FAM120B: variants seen among roughly 807,000 people sequenced by gnomAD.
The protein encoded by FAM120B is constitutive coactivator of peroxisome proliferator-activated receptor gamma.
Under a neutral mutation model 96.3 loss-of-function variants are expected in FAM120B, and 83 were observed. The ratio of observed to expected loss-of-function variants is 0.86; its 90% CI spans 0.72 to 1.03. FAM120B has a LOEUF of 1.03. FAM120B is among the 50% of genes least tolerant of loss of function. The probability of loss-of-function intolerance (pLI) is 0.00; values close to 1 mark genes in which losing one functional copy is unlikely to be tolerated. For missense variants in FAM120B, 1,027 were observed against 1,121.2 expected (o/e 0.92, Z 1.20); for synonymous variants, 407 against 402.7 (o/e 1.01, Z -0.13).
intron 5 of FAM120B, among the ~76,000 whole-genome samples, chr6:170,350,861 C>T (rs1787528095): frequency 6.6e-6 from 1 of 152,190 alleles, no homozygotes; most frequent in Non-Finnish European, 1.5e-5. Context: ...ATGCTGAAAA[C>T]TGAAAAAGCC....
chr6:170,368,729 G>T (rs113658438), intron 6 of FAM120B, among the ~76,000 whole-genome samples: 133 of 150,486 alleles, frequency 8.8e-4, no homozygotes, highest in African/African-American at 3.1e-3. Flanking sequence ...CACGGACTGG[G>T]TGGCCTAAAA....
intron 1 of FAM120B, among the ~76,000 whole-genome samples, chr6:170,316,365 T>G (rs1784900821): frequency 6.6e-6 from 1 of 152,214 alleles, no homozygotes; most frequent in Non-Finnish European, 1.5e-5. Flanking sequence ...AATTTTTTGT[T>G]GTGTTTTATC....
chr6:170,295,527 A>C lies in FAM120B; in HGVS notation c.48+74A>C. ...CGCTTCCACAGCGGGCAGGAGCGCG[A>C]CCCCCGGCGCGGGCAGCTCTGCGCG... On this transcript the variant is annotated intron_variant, in intron 1 of 10. Coordinates refer to the FAM120B transcript ENST00000537664. The surrounding 1 kb of genome is among the most constrained non-coding windows in gnomAD (Gnocchi z 7.8). 1.6e-6 allele frequency: 1 copy of C among 641,434 alleles called. No individual in the cohort carries two copies. Among genetic ancestry groups the C allele is most frequent in the Non-Finnish European group, 2.8e-6 (1 of 359,810 alleles). 39.7% of individuals were successfully genotyped at this position (641,434 alleles called of 1,614,324 possible).
intron 4 of FAM120B, among the ~76,000 whole-genome samples, chr6:170,335,146 C>T (rs1007300064): frequency 6.6e-6 from 1 of 151,364 alleles, no homozygotes; most frequent in East Asian, 1.9e-4. Flanking sequence ...CCTATCAACC[C>T]GTCATCTAGG....
Position 170,318,163 on chromosome 6 carries a change from A to G in FAM120B, c.773A>G (p.Asp258Gly), listed in dbSNP as rs1785025717. ...TACACCTCTGTAAAAGAGAACTTTG[A>G]CAAAAAAGGTAACATCATATTAGCT... The part of the protein sequence containing the change: ...SSYTSVKENF[D>G]KKGNIILAVS... The change falls in exon 2 of 11, where the codon GAC (aspartate) becomes GGC (glycine). Residue 258 changes from aspartate to glycine, a missense_variant. Physicochemically the swap from Asp to Gly is moderately conservative, Grantham distance 94. This residue lies in a region of FAM120B where 880 missense variants were observed against 980.9 expected (regional missense o/e 0.90). Transcript: ENST00000476287. The G allele has an allele frequency of 6.2e-7, 1 of 1,614,116 alleles. No individual in the cohort carries two copies.
At chr6:170,326,656 A>G (rs1785607973) in intron 3 of FAM120B, among the ~76,000 whole-genome samples, 1 of 152,194 alleles carries the variant, frequency 6.6e-6, no homozygotes, top group Admixed American at 6.5e-5. Flanking sequence ...GCCATAGACA[A>G]CATGTACATG....
chr6:170,401,235 A>C (rs565197649), intron 9 of FAM120B, among the ~76,000 whole-genome samples: 38 of 152,188 alleles, frequency 2.5e-4, no homozygotes, highest in Non-Finnish European at 3.5e-4. Flanking sequence ...CGGTCTTGCC[A>C]GAAGTCCAGA....
intron 9 of FAM120B, among the ~76,000 whole-genome samples, chr6:170,396,132 T>C (rs903811079): frequency 1.4e-4 from 21 of 152,236 alleles, no homozygotes; most frequent in African/African-American, 5.1e-4. Context: ...GAGCCAAACT[T>C]TATAAACTTT....
intron 4 of FAM120B, among the ~76,000 whole-genome samples, chr6:170,332,647 G>A (rs376238847): frequency 1.5e-4 from 23 of 152,064 alleles, no homozygotes; most frequent in African/African-American, 5.1e-4. Context: ...GCAGTGAGCC[G>A]AGATCACGCC....
chr6:170,306,404 C>A (rs1350164719), upstream of FAM120B: 1 of 152,446 alleles, frequency 6.6e-6, no homozygotes, highest in East Asian at 1.9e-4. Context: ...AGCCGCCAGT[C>A]CTCAGTGCCT....
intron 6 of FAM120B, among the ~76,000 whole-genome samples, chr6:170,361,235 TACAC>T (rs1329060177): frequency 8.9e-5 from 8 of 90,044 alleles, no homozygotes; most frequent in African/African-American, 1.8e-4. Context: ...TATATATATA[TACAC>T]GTATATATAT....
intron 9 of FAM120B, among the ~76,000 whole-genome samples, chr6:170,400,362 T>G (rs1227576794): frequency 1.3e-5 from 2 of 152,134 alleles, no homozygotes; most frequent in East Asian, 3.9e-4. Flanking sequence ...TGCCCTGATC[T>G]CAGAAGGCAG....
intron 9 of FAM120B, among the ~76,000 whole-genome samples, chr6:170,401,930 G>GCATGGATGCAT (rs1481696832): frequency 8.2e-6 from 1 of 121,906 alleles, no homozygotes; most frequent in African/African-American, 3.1e-5. Context: ...GCATCTGTGT[G>GCATGGATGCAT]GCTTTGGATG....
rs146080124 is a variant in FAM120B at position 170,362,195 on chromosome 6, G to A, written c.2283+3877G>A. On this transcript the variant is annotated intron_variant, in intron 6 of 10. Transcript: ENST00000476287. The stretch of plus-strand genomic sequence containing the variant: ...GTCTCCCTCTTCAAACAACTTGAAG[G>A]GGGGAGGTAGAGACAGGGCAGAAGA... 2.6e-5 allele frequency among the ~76,000 whole-genome samples: 4 copies of A among 152,314 alleles called. No individual in the cohort carries two copies. The East Asian group carries it at 7.7e-4, about 29-fold the overall frequency.
intron 5 of FAM120B, among the ~76,000 whole-genome samples, chr6:170,354,982 A>G (rs773898509): frequency 2.1e-4 from 32 of 152,152 alleles, no homozygotes; most frequent in Non-Finnish European, 3.2e-4. Context: ...GAAAAGTTCA[A>G]CATCATTGAT....
chr6:170,312,036 T>G (rs1209316779), intron 1 of FAM120B, among the ~76,000 whole-genome samples: 1 of 152,220 alleles, frequency 6.6e-6, no homozygotes, highest in Non-Finnish European at 1.5e-5. Context: ...AGAACTTACG[T>G]CCACGTTGTA....
upstream of FAM120B, among the ~76,000 whole-genome samples, chr6:170,305,419 C>G (rs570002605): frequency 6.6e-6 from 1 of 152,312 alleles, no homozygotes; most frequent in South Asian, 2.1e-4. Context: ...AATCGAGATT[C>G]CTTCCCAAAT....
rs184096889 is a variant in FAM120B at position 170,386,294 on chromosome 6, T to G, written c.2284-1993T>G. Among the ~76,000 whole-genome samples, 9 of 152,304 alleles carry G rather than the reference T, an allele frequency of 5.9e-5. No homozygotes were observed. The East Asian group carries it at 1.7e-3, about 29-fold the overall frequency. On this transcript the variant is annotated intron_variant, in intron 6 of 10. Transcript: ENST00000476287. ...TTCTAAAAACATAAAGTCCTTTTTT[T>G]TAAGTTAATTTGAAAAGATGAATAA...
At chr6:170,360,152 A>G (rs1788244994) in intron 6 of FAM120B, among the ~76,000 whole-genome samples, 2 of 152,332 alleles carry the variant, frequency 1.3e-5, no homozygotes, top group South Asian at 2.1e-4. Context: ...TGTGGGCAAC[A>G]TAGCACTGGA....
Sources: allele counts gnomAD v4.1 joint callset (sites outside exome capture counted in the v4.1 genomes callset), GRCh38; gene constraint gnomAD v4.1.1; regional missense constraint gnomAD v4.1.1; non-coding constraint Gnocchi (gnomAD v3.1); transcripts MANE v1.5; gene names NCBI Gene and HGNC (gene_info 2026-07-23, HGNC 2026-07-21).